CALU: variants seen among roughly 807,000 people sequenced by gnomAD.
CALU encodes IEF SSP 9302.
In CALU, 13 loss-of-function variants were observed where a neutral mutation model predicts 37.5. The observed-to-expected ratio is 0.35, with a 90% CI of 0.23 to 0.55. The LOEUF is 0.55. CALU is among the 20% of genes least tolerant of loss of function. CALU has a pLI of 0.89. For missense variants in CALU, 282 were observed against 391.7 expected, an observed-to-expected ratio of 0.72 and a Z score of 2.36; for synonymous variants, 114 against 133.8, an observed-to-expected ratio of 0.85 and a Z score of 1.02.
chr7:128,751,965 T>C (rs577992055), intron 2 of CALU, among the ~76,000 whole-genome samples: 1 of 152,346 alleles, frequency 6.6e-6, no homozygotes, highest in East Asian at 1.9e-4. Context: ...GGTTCTCCCC[T>C]GTCACAGGAC....
intron 5 of CALU, 47 bp downstream of exon 5, chr7:128,759,899 TGAAAGG>T: frequency 1.0e-6 from 1 of 998,868 alleles, no homozygotes; most frequent in Non-Finnish European, 1.6e-6. Context: ...TGAGAAGCTT[TGAAAGG>T]TGTATTTGCT....
At chr7:128,748,473 A>G (rs1800530630) in intron 1 of CALU, 100 bp from the exon 2 acceptor site, 4 of 1,164,500 alleles carry the variant, frequency 3.4e-6, no homozygotes, top group Middle Eastern at 2.0e-4. Context: ...ATAGATATGT[A>G]TATCAAATTA....
chr7:128,746,989 C>T (rs1405212254), intron 1 of CALU, among the ~76,000 whole-genome samples: 2 of 151,874 alleles, frequency 1.3e-5, no homozygotes, highest in Non-Finnish European at 2.9e-5. Context: ...AGGATGATCT[C>T]GATCTCCTGA....
intron 2 of CALU, among the ~76,000 whole-genome samples, chr7:128,751,159 G>A (rs561085558): frequency 2.0e-5 from 3 of 151,836 alleles, no homozygotes; most frequent in Non-Finnish European, 4.4e-5. Flanking sequence ...CTGGTGGCGC[G>A]TGCCTGTAGT....
chr7:128,768,863 A>AAAAAC (rs1447244138), intron 6 of CALU, among the ~76,000 whole-genome samples, 200 bp from the exon 7 acceptor site: 2 of 147,938 alleles, frequency 1.4e-5, no homozygotes, highest in African/African-American at 5.2e-5. Context: ...AAAAAAAAAA[A>AAAAAC]AAAAACAAGG....
At chr7:128,750,402 A>C (rs181417772) in intron 2 of CALU, among the ~76,000 whole-genome samples, 1 of 152,252 alleles carries the variant, frequency 6.6e-6, no homozygotes, top group East Asian at 1.9e-4. Flanking sequence ...ATGGTACTAT[A>C]ATGAGGATGT....
At chr7:128,755,405 G>T (rs1270550640) in intron 3 of CALU, among the ~76,000 whole-genome samples, 1 of 151,038 alleles carries the variant, frequency 6.6e-6, no homozygotes, top group African/African-American at 2.4e-5. Context: ...CATGGTCCCA[G>T]TAAAGTGTTG....
At position 128,754,371 on chromosome 7, in the gene CALU, C is replaced by G; in HGVS notation, c.331C>G (p.Arg111Gly). The change falls in exon 3 of 7, where the codon CGA becomes GGA. Residue 111 changes from arginine to glycine, a missense_variant. Transcript: ENST00000249364. Reference sequence around the variant, plus strand: ...GCGCTGGATTTACGAGGATGTAGAGCGACAGTGGAAGGGGCATGACCTCAA... The same window carrying G: ...GCGCTGGATTTACGAGGATGTAGAGGGACAGTGGAAGGGGCATGACCTCAA... ...QKRWIYEDVE[R>G]QWKGHDLNED... is the part of the protein sequence containing the mutation. 6.2e-7 allele frequency: 1 copy of G among 1,614,020 alleles called. No homozygotes were observed. The highest frequency in any genetic ancestry group is 1.1e-5 in the South Asian group (1 of 91,082).
chr7:128,743,615 G>A (rs938660756), intron 1 of CALU, among the ~76,000 whole-genome samples: 7 of 151,512 alleles, frequency 4.6e-5, no homozygotes, highest in African/African-American at 1.2e-4. Context: ...TCGTGTCTCC[G>A]GGGCTCAGGC....
intron 2 of CALU, among the ~76,000 whole-genome samples, chr7:128,753,600 C>T (rs750795592): frequency 4.6e-5 from 7 of 152,186 alleles, no homozygotes; most frequent in Non-Finnish European, 8.8e-5. Flanking sequence ...TCTCTGTTTT[C>T]ATGTAAAAAT....
At position 128,772,928 on chromosome 7, in the gene CALU, G is replaced by A. The variant is rs1868774; in HGVS notation, c.*3761G>A. 0.28 allele frequency among the ~76,000 whole-genome samples: 42,380 copies of A among 152,110 alleles called. 6,952 individuals carry two copies. Among genetic ancestry groups the A allele is most frequent in the Non-Finnish European group, 0.38 (25,725 of 67,974 alleles). On this transcript the variant is annotated 3_prime_UTR_variant, in exon 7 of 7. Coordinates refer to ENST00000249364, the MANE Select transcript of CALU (RefSeq NM_001219.5). ...ATCCTGCTTCATAAAAGCACTGTCA[G>A]CAGAGGCCCCTCCATTACTAGCAGG...
intron 5 of CALU, chr7:128,761,533 A>G (rs1382927692): frequency 6.6e-6 from 1 of 152,220 alleles, no homozygotes; most frequent in Non-Finnish European, 1.5e-5. Context: ...GCTGATTAGT[A>G]GTGAGGTTGT....
intron 1 of CALU, 41 bp downstream of exon 1, chr7:128,739,473 C>G (rs1800143970): frequency 6.5e-6 from 1 of 152,686 alleles, no homozygotes. Flanking sequence ...ACTGCCTCAT[C>G]TTTATTCGCT....
At chr7:128,746,435 G>A (rs1281323418) in intron 1 of CALU, among the ~76,000 whole-genome samples, 2 of 151,754 alleles carry the variant, frequency 1.3e-5, no homozygotes, top group Non-Finnish European at 2.9e-5. Context: ...TGGGATTACA[G>A]GCATGAGCCA....
rs1307251290 is a variant in CALU, at chr7:128,771,859, A to G, written c.*2692A>G. 6.6e-6 allele frequency: 1 copy of G among 152,378 alleles called. No individual in the cohort carries two copies. Among genetic ancestry groups the G allele is most frequent in the Admixed American group, 6.5e-5 (1 of 15,290 alleles). 9.4% of individuals were successfully genotyped at this position (152,378 alleles called of 1,614,324 possible). ...TTAAAACATGCAAATTCATTTTGAG[A>G]ACCTCGAGAGAATTAAACTATTAAC... is the stretch of plus-strand genomic sequence containing the variant. On this transcript the variant is annotated 3_prime_UTR_variant, in exon 7 of 7. Transcript: ENST00000249364.
chr7:128,767,743 A>C, intron 6 of CALU, 88 bp downstream of exon 6: 1 of 1,108,488 alleles, frequency 9.0e-7, no homozygotes, highest in Non-Finnish European at 1.3e-6. Flanking sequence ...AGGTGCATAG[A>C]GCATTTAAGG....
In CALU at chr7:128,772,498, A is replaced by T; in HGVS notation, c.*3331A>T. On this transcript the variant is annotated 3_prime_UTR_variant, in exon 7 of 7. Transcript: ENST00000249364. ...GACAATAGAAACTTACTTAAAAGTAAAATTTAATTCTAGCTGTTGCAAACA... is the reference window on the plus strand; with the variant it reads ...GACAATAGAAACTTACTTAAAAGTATAATTTAATTCTAGCTGTTGCAAACA... The T allele has an allele frequency of 6.2e-7, 1 of 1,613,302 alleles. No homozygotes were observed. Among genetic ancestry groups the T allele is most frequent in the African/African-American group, 1.3e-5 (1 of 75,036 alleles).
At chr7:128,760,838 G>A (rs1562879367) in intron 5 of CALU, among the ~76,000 whole-genome samples, 1 of 152,194 alleles carries the variant, frequency 6.6e-6, no homozygotes, top group Non-Finnish European at 1.5e-5. Context: ...AACCCAGGAG[G>A]CAGAGCTTGC....
At chr7:128,762,879 G>T (rs1037049172) in intron 5 of CALU, among the ~76,000 whole-genome samples, 1 of 151,908 alleles carries the variant, frequency 6.6e-6, no homozygotes, top group African/African-American at 2.4e-5. Context: ...GTTGGCCAGG[G>T]TGATCTTGAA....
Sources: allele counts gnomAD v4.1 joint callset (sites outside exome capture counted in the v4.1 genomes callset), GRCh38; gene constraint gnomAD v4.1.1; transcripts MANE v1.5; gene names NCBI Gene and HGNC (gene_info 2026-07-23, HGNC 2026-07-21).